KATNA1: variants seen among roughly 807,000 people sequenced by gnomAD.
KATNA1 encodes katanin p60 ATPase-containing subunit A1.
In KATNA1, 42 loss-of-function variants were observed where a neutral mutation model predicts 62.6. That is an observed-to-expected ratio of 0.67 (90% CI 0.52 to 0.87). The LOEUF (loss-of-function observed/expected upper bound fraction) is 0.87, where lower values mean the gene tolerates loss of function less well. Ranked by LOEUF, KATNA1 falls within the 40% of genes least tolerant of loss-of-function variation. KATNA1 has a pLI of 0.00. For synonymous variants in KATNA1, 186 were observed against 201.9 expected (o/e 0.92, Z 0.67); for missense variants, 498 against 612.5 (o/e 0.81, Z 1.97).
intron 4 of KATNA1, among the ~76,000 whole-genome samples, chr6:149,618,050 C>G (rs1489491934): frequency 7.0e-6 from 1 of 143,802 alleles, no homozygotes; most frequent in African/African-American, 2.6e-5. Context: ...AGCTACTCGG[C>G]AGGCTGAGGC....
chr6:149,619,711 T>C (rs1213689185), intron 4 of KATNA1, among the ~76,000 whole-genome samples: 1 of 152,176 alleles, frequency 6.6e-6, no homozygotes. Context: ...ATAGCCACTA[T>C]GAACAGTATG....
chr6:149,642,143 C>T (rs897474866), intron 1 of KATNA1, among the ~76,000 whole-genome samples: 3 of 152,044 alleles, frequency 2.0e-5, no homozygotes, highest in East Asian at 1.9e-4. Context: ...CCTTGTGATC[C>T]GCCCACCTGG....
intron 2 of KATNA1, among the ~76,000 whole-genome samples, chr6:149,637,132 C>T (rs1332457731): frequency 1.3e-5 from 2 of 152,010 alleles, no homozygotes; most frequent in Non-Finnish European, 2.9e-5. Flanking sequence ...GAATATGAGG[C>T]CAGGCATGGT....
Position 149,638,464 on chromosome 6 carries a change from A to G in KATNA1, c.84T>C (p.Tyr28=). 6.2e-7 allele frequency: 1 copy of G among 1,613,854 alleles called. No homozygotes were observed. Among genetic ancestry groups the G allele is most frequent in the Non-Finnish European group, 8.5e-7 (1 of 1,179,814 alleles). ...LLGNYDSAMV[Y]YQGVLDQMNK... is the part of the protein sequence containing the mutation. ...TCATTTGGTCAAGAACTCCCTGATA[A>G]TAGACCATCGCAGAGTCATAGTTTC... The change falls in exon 2 of 11, where the codon TAT becomes TAC. Residue 28 remains tyrosine (Y), a synonymous_variant. Transcript: ENST00000367411.
chr6:149,620,662 C>A (rs1450202125), intron 4 of KATNA1, among the ~76,000 whole-genome samples: 1 of 152,048 alleles, frequency 6.6e-6, no homozygotes, highest in African/African-American at 2.4e-5. Flanking sequence ...TTTGAATATT[C>A]CCAACACAAA....
chr6:149,622,673 G>A (rs1243463392), intron 4 of KATNA1, among the ~76,000 whole-genome samples: 1 of 149,330 alleles, frequency 6.7e-6, no homozygotes, highest in African/African-American at 2.5e-5. Flanking sequence ...TTATTAGAGC[G>A]CTGGCAAACT....
chr6:149,642,769 G>A (rs532336193), intron 1 of KATNA1, among the ~76,000 whole-genome samples: 1 of 152,124 alleles, frequency 6.6e-6, no homozygotes. Context: ...ACATATCCAA[G>A]AAAGTACCTT....
chr6:149,601,517 A>G, intron 7 of KATNA1, 77 bp downstream of exon 7: 2 of 1,297,502 alleles, frequency 1.5e-6, no homozygotes, highest in Non-Finnish European at 2.1e-6. Context: ...ACTATTCCAT[A>G]TACTGGAGAT....
chr6:149,610,757 A>G (rs954987989), intron 4 of KATNA1, among the ~76,000 whole-genome samples: 9 of 152,132 alleles, frequency 5.9e-5, no homozygotes, highest in Non-Finnish European at 1.2e-4. Flanking sequence ...CAAGAAAAAA[A>G]GTCTCAGGCT....
intron 4 of KATNA1, among the ~76,000 whole-genome samples, chr6:149,613,784 A>G (rs1322887240): frequency 1.3e-5 from 2 of 152,228 alleles, no homozygotes; most frequent in Non-Finnish European, 2.9e-5. Flanking sequence ...GTGTCCCTCC[A>G]AAAGCAAGGT....
intron 4 of KATNA1, among the ~76,000 whole-genome samples, chr6:149,616,212 G>A (rs1779162124): frequency 6.6e-6 from 1 of 152,056 alleles, no homozygotes; most frequent in African/African-American, 2.4e-5. Flanking sequence ...CCGTTAAAAT[G>A]GTAAATTTTA....
intron 1 of KATNA1, among the ~76,000 whole-genome samples, chr6:149,643,501 T>C (rs1424927453): frequency 6.6e-6 from 1 of 152,106 alleles, no homozygotes; most frequent in Non-Finnish European, 1.5e-5. Flanking sequence ...AGGAATAAAA[T>C]CCTATCACCT....
intron 6 of KATNA1, among the ~76,000 whole-genome samples, chr6:149,602,518 T>G (rs2115083972): frequency 6.6e-6 from 1 of 152,232 alleles, no homozygotes; most frequent in South Asian, 2.1e-4. Flanking sequence ...CAAGAAAAGC[T>G]TTTTTGATGG....
intron 1 of KATNA1, among the ~76,000 whole-genome samples, chr6:149,640,565 T>C (rs1780241343): frequency 6.6e-6 from 1 of 152,078 alleles, no homozygotes; most frequent in Non-Finnish European, 1.5e-5. Context: ...TTTTGTTTTT[T>C]TGAGATGGAG....
At chr6:149,618,852 G>A (rs936084331) in intron 4 of KATNA1, among the ~76,000 whole-genome samples, 2 of 152,198 alleles carry the variant, frequency 1.3e-5, no homozygotes, top group East Asian at 1.9e-4. Flanking sequence ...AGATATAAAC[G>A]TTTACACCTG....
intron 5 of KATNA1, among the ~76,000 whole-genome samples, chr6:149,603,744 T>G (rs535421734): frequency 6.6e-6 from 1 of 152,170 alleles, no homozygotes; most frequent in Non-Finnish European, 1.5e-5. Flanking sequence ...AAAAAAAGCA[T>G]AAAGAATAAA....
intron 7 of KATNA1, among the ~76,000 whole-genome samples, chr6:149,600,194 TAAAAAAAA>T (rs67468519): frequency 1.2e-4 from 8 of 67,986 alleles, no homozygotes; most frequent in Middle Eastern, 0.012. Context: ...GAGCTTATCT[TAAAAAAAA>T]AAAAAAAAAA....
chr6:149,612,967 G>C (rs1246585670), intron 4 of KATNA1, among the ~76,000 whole-genome samples: 1 of 151,554 alleles, frequency 6.6e-6, no homozygotes, highest in Non-Finnish European at 1.5e-5. Flanking sequence ...ACCTGATAAA[G>C]AGTATCCACA....
rs200457696 is a variant in KATNA1 at position 149,623,298 on chromosome 6, A to C, written c.321-15T>G. 696 of 1,563,178 alleles carry C rather than the reference A, an allele frequency of 4.5e-4. No individual in the cohort carries two copies. Among genetic ancestry groups the C allele is most frequent in the Non-Finnish European group, 5.9e-4 (679 of 1,159,338 alleles). On this transcript the variant is annotated splice_polypyrimidine_tract_variant and intron_variant, in intron 3 of 10. Transcript: ENST00000367411. ...CTGGTGAGGGTCTAATCAAACAAAA[A>C]CTCATTAATATCATAATCAACTCCA...
Sources: allele counts gnomAD v4.1 joint callset (sites outside exome capture counted in the v4.1 genomes callset), GRCh38; gene constraint gnomAD v4.1.1; transcripts MANE v1.5; gene names NCBI Gene and HGNC (gene_info 2026-07-23, HGNC 2026-07-21).